IDE: variants seen among roughly 807,000 people sequenced by gnomAD.
The protein encoded by IDE is insulin-degrading enzyme.
A neutral mutation model predicts 133.2 loss-of-function variants in IDE; 58 were observed. The observed-to-expected ratio is 0.44, with a 90% CI of 0.35 to 0.54. IDE has a LOEUF of 0.54. Among genes scored for constraint, IDE ranks in the 20% least tolerant of loss-of-function variants. IDE has a pLI of 0.00. For synonymous variants in IDE, 396 were observed against 421.3 expected, an observed-to-expected ratio of 0.94 and a Z score of 0.73; for missense variants, 981 against 1,234.0, an observed-to-expected ratio of 0.79 and a Z score of 3.07.
At chr10:92,537,600 G>A (rs1842080023) in intron 1 of IDE, 50 bp from the exon 2 acceptor site, 1 of 1,361,526 alleles carries the variant, frequency 7.3e-7, no homozygotes, top group African/African-American at 1.5e-5. Flanking sequence ...TATATTTAAG[G>A]ACAAACAATA....
intron 22 of IDE, among the ~76,000 whole-genome samples, chr10:92,458,382 T>C (rs1386669955): frequency 6.6e-6 from 1 of 151,884 alleles, no homozygotes; most frequent in African/African-American, 2.4e-5. Flanking sequence ...TGTATGGTCA[T>C]GAAACCCTTT....
At chr10:92,495,649 C>A (rs1028168980) in intron 11 of IDE, among the ~76,000 whole-genome samples, 1 of 152,046 alleles carries the variant, frequency 6.6e-6, no homozygotes. Context: ...CCACACCCGG[C>A]CTCAATAATT....
At chr10:92,558,156 G>A (rs1397052648) in intron 1 of IDE, among the ~76,000 whole-genome samples, 3 of 152,130 alleles carry the variant, frequency 2.0e-5, no homozygotes, top group Admixed American at 6.6e-5. Context: ...GGGTTCAAGC[G>A]ATTCTCCTGT....
chr10:92,508,574 AAGG>A (rs1207059897), intron 7 of IDE, among the ~76,000 whole-genome samples, 151 bp downstream of exon 7: 1 of 151,322 alleles, frequency 6.6e-6, no homozygotes, highest in African/African-American at 2.4e-5. Context: ...AAAAAAAAAA[AAGG>A]CAACAGCGTG....
intron 22 of IDE, among the ~76,000 whole-genome samples, chr10:92,458,630 T>C (rs1845174944): frequency 6.6e-6 from 1 of 151,144 alleles, no homozygotes. Context: ...GCCTCCTGAG[T>C]AGCTGGGATT....
intron 4 of IDE, among the ~76,000 whole-genome samples, chr10:92,522,123 G>C (rs891489404): frequency 5.9e-5 from 9 of 152,110 alleles, no homozygotes; most frequent in African/African-American, 2.2e-4. Context: ...AGAGAAAAAA[G>C]TAATTGAACT....
intron 4 of IDE, among the ~76,000 whole-genome samples, chr10:92,520,043 TGCAGTAA>T (rs1432393647): frequency 6.6e-6 from 1 of 152,108 alleles, no homozygotes; most frequent in Non-Finnish European, 1.5e-5. Flanking sequence ...AGGTGGAGGT[TGCAGTAA>T]GCCGAAATCA....
In IDE at chr10:92,468,952, G is replaced by A. The variant is rs764233258; in HGVS notation, c.2247C>T (p.Leu749=). Residue 749 remains leucine, a synonymous_variant, in exon 19 of 25, where the codon CTC becomes CTT. Coordinates refer to ENST00000265986, the MANE Select transcript of IDE (RefSeq NM_004969.4). ...GAGGTTTGGTATGAGCATGTTCAATGAGGGTGTCTTCAACCATCTGCATAA... is the reference window on the plus strand; with the variant it reads ...GAGGTTTGGTATGAGCATGTTCAATAAGGGTGTCTTCAACCATCTGCATAA... ...LGIMQMVEDT[L]IEHAHTKPLL... is the part of the protein sequence containing the mutation. 4 of 1,612,704 alleles carry A rather than the reference G, an allele frequency of 2.5e-6. No individual in the cohort carries two copies. Among genetic ancestry groups the A allele is most frequent in the African/African-American group, 2.7e-5 (2 of 75,030 alleles).
chr10:92,458,536 C>G (rs1449413687), intron 22 of IDE, among the ~76,000 whole-genome samples: 1 of 122,508 alleles, frequency 8.2e-6, no homozygotes. Flanking sequence ...GAGTCTCGCT[C>G]TGTCGCCCAG....
Position 92,453,870 on chromosome 10 carries a change from AC to A in IDE, c.*573del, listed in dbSNP as rs1272370350. 1.3e-5 allele frequency: 2 copies of A among 152,224 alleles called. No individual in the cohort carries two copies. The highest frequency in any genetic ancestry group is 2.1e-4 in the South Asian group (1 of 4,830). 9.4% of individuals were successfully genotyped at this position (152,224 alleles called of 1,614,324 possible). A position where few individuals can be genotyped will look rare whatever the true frequency, so the allele number is the denominator to read the frequency against. On this transcript the variant is annotated 3_prime_UTR_variant, in exon 25 of 25. Transcript: ENST00000265986. ...AGCATTTTACGAGTTGGCATAAAAA[AC>A]ATGTTCAAATTTTATAAAAAGATTA...
chr10:92,456,980 T>C (rs988983381), intron 22 of IDE, among the ~76,000 whole-genome samples: 11 of 152,096 alleles, frequency 7.2e-5, no homozygotes, highest in Non-Finnish European at 1.6e-4. Context: ...TCTTTTTTTT[T>C]CCTTTCCTTT....
intron 1 of IDE, among the ~76,000 whole-genome samples, chr10:92,563,984 G>C (rs1424354186): frequency 2.0e-5 from 3 of 152,122 alleles, no homozygotes; most frequent in Non-Finnish European, 4.4e-5. Flanking sequence ...GCTAGATGGA[G>C]GGAGTGGAAG....
chr10:92,479,196 C>T (rs1029968961), intron 15 of IDE, 81 bp downstream of exon 15: 4 of 945,754 alleles, frequency 4.2e-6, no homozygotes, highest in African/African-American at 1.7e-5. Context: ...ATTAAACTCA[C>T]ACCCTCAATC....
chr10:92,466,902 GC>G (rs1264146998), intron 19 of IDE, among the ~76,000 whole-genome samples: 1 of 151,656 alleles, frequency 6.6e-6, no homozygotes, highest in Non-Finnish European at 1.5e-5. Context: ...ACAGGTGTGA[GC>G]CACTGCACCC....
intron 11 of IDE, among the ~76,000 whole-genome samples, chr10:92,499,181 G>C (rs1847878002): frequency 6.6e-6 from 1 of 151,854 alleles, no homozygotes; most frequent in Admixed American, 6.6e-5. Context: ...CCATTTTATT[G>C]GTGGTTTTTC....
intron 13 of IDE, among the ~76,000 whole-genome samples, chr10:92,484,399 A>G (rs1846835195): frequency 6.6e-6 from 1 of 151,194 alleles, no homozygotes; most frequent in African/African-American, 2.4e-5. Flanking sequence ...CCTGGGCAAC[A>G]GAGCAAGACT....
At chr10:92,507,398 C>T (rs1273352552) in intron 9 of IDE, among the ~76,000 whole-genome samples, 177 bp downstream of exon 9, 1 of 152,086 alleles carries the variant, frequency 6.6e-6, no homozygotes, top group Admixed American at 6.6e-5. Flanking sequence ...CCCCAAGTAG[C>T]AAATCAGACT....
At chr10:92,510,990 A>C (rs1848594444) in intron 5 of IDE, among the ~76,000 whole-genome samples, 1 of 151,546 alleles carries the variant, frequency 6.6e-6, no homozygotes, top group Admixed American at 6.6e-5. Flanking sequence ...GGATGGAATA[A>C]AGAACAGCTT....
At chr10:92,561,716 C>T (rs566244744) in intron 1 of IDE, among the ~76,000 whole-genome samples, 13 of 150,814 alleles carry the variant, frequency 8.6e-5, no homozygotes, top group African/African-American at 3.2e-4. Flanking sequence ...GAGCGGAGAT[C>T]GCGCCACTGC....
Sources: allele counts gnomAD v4.1 joint callset (sites outside exome capture counted in the v4.1 genomes callset), GRCh38; gene constraint gnomAD v4.1.1; transcripts MANE v1.5; gene names NCBI Gene and HGNC (gene_info 2026-07-23, HGNC 2026-07-21).